The following SHISA9 variants were observed in gnomAD, a reference collection of about 807,000 sequenced individuals.
The protein encoded by SHISA9 is protein shisa-9.
Under a neutral mutation model 38.0 loss-of-function variants are expected in SHISA9, and 13 were observed. The ratio of observed to expected loss-of-function variants is 0.34; its 90% CI spans 0.22 to 0.54. SHISA9 has a LOEUF of 0.54. Ranked by LOEUF, SHISA9 falls within the 20% of genes least tolerant of loss-of-function variation. SHISA9 has a pLI of 0.91. For missense variants in SHISA9, 538 were observed against 575.8 expected (o/e 0.93, Z 0.67); for synonymous variants, 275 against 242.0 (o/e 1.14, Z -1.27).
At chr16:12,902,869 A>C in intron 1 of SHISA9, 3 of 425,186 alleles carry the variant, frequency 7.1e-6, no homozygotes, top group Admixed American at 4.7e-5. Flanking sequence ...TGTGTGTGTG[A>C]CTCTGCTCCC....
chr16:12,977,617 A>G (rs2072181630), intron 2 of SHISA9, among the ~76,000 whole-genome samples: 1 of 152,234 alleles, frequency 6.6e-6, no homozygotes, highest in Non-Finnish European at 1.5e-5. Flanking sequence ...ACCTGTCACC[A>G]TGGAAAATAC....
At chr16:13,369,202 T>G in the SHISA9 span, among the ~76,000 whole-genome samples, 2 of 152,194 alleles carry the variant, frequency 1.3e-5, no homozygotes, top group African/African-American at 2.4e-5. Flanking sequence ...GTCATTTATT[T>G]CCGTATATAG....
intron 2 of SHISA9, among the ~76,000 whole-genome samples, chr16:13,027,975 C>G (rs770875521): frequency 1.4e-4 from 20 of 148,130 alleles, no homozygotes; most frequent in Non-Finnish European, 2.1e-4. Flanking sequence ...TGAAAGAAGC[C>G]AAGCACTAAA....
At chr16:13,269,055 A>G in the SHISA9 span, among the ~76,000 whole-genome samples, 2 of 152,360 alleles carry the variant, frequency 1.3e-5, no homozygotes, top group Non-Finnish European at 2.9e-5. Context: ...CCTGTGCTGC[A>G]TATGAAGTAA....
the SHISA9 span, among the ~76,000 whole-genome samples, chr16:13,262,280 G>A: frequency 1.3e-5 from 2 of 152,222 alleles, no homozygotes; most frequent in Admixed American, 1.3e-4. Flanking sequence ...AGGCAGCTGA[G>A]CACCTGTGCA....
chr16:13,108,891 T>C (rs1041798079), intron 2 of SHISA9, among the ~76,000 whole-genome samples: 40 of 152,156 alleles, frequency 2.6e-4, no homozygotes, highest in African/African-American at 8.9e-4. Flanking sequence ...TCCTAAAGTG[T>C]AGTGTCCTGA....
chr16:13,546,598 C>CAGATTATA, the SHISA9 span, among the ~76,000 whole-genome samples: 1 of 152,112 alleles, frequency 6.6e-6, no homozygotes, highest in South Asian at 2.1e-4. Flanking sequence ...CAACGTGAAT[C>CAGATTATA]AGATTATAAG....
intron 2 of SHISA9, among the ~76,000 whole-genome samples, chr16:13,115,071 C>A (rs1198459136): frequency 2.0e-5 from 3 of 152,084 alleles, no homozygotes; most frequent in Non-Finnish European, 4.4e-5. Context: ...TATGTATCTA[C>A]CTGTTTTTCA....
At chr16:13,545,921 GGAC>G in the SHISA9 span, among the ~76,000 whole-genome samples, 1 of 152,058 alleles carries the variant, frequency 6.6e-6, no homozygotes, top group Non-Finnish European at 1.5e-5. Context: ...TTCCTTCCTG[GGAC>G]TTTTAATTTG....
chr16:13,339,519 T>C, the SHISA9 span, among the ~76,000 whole-genome samples: 3 of 152,176 alleles, frequency 2.0e-5, no homozygotes, highest in Non-Finnish European at 2.9e-5. Flanking sequence ...GACATAGAAG[T>C]TGTGCATAGA....
chr16:13,253,324 T>C, the SHISA9 span, among the ~76,000 whole-genome samples: 1 of 152,118 alleles, frequency 6.6e-6, no homozygotes, highest in Non-Finnish European at 1.5e-5. Context: ...TTGAGGTGCA[T>C]CTCTTCTACT....
intron 2 of SHISA9, among the ~76,000 whole-genome samples, chr16:12,989,247 T>TG (rs2072352698): frequency 6.6e-6 from 1 of 152,144 alleles, no homozygotes; most frequent in Non-Finnish European, 1.5e-5. Context: ...GATGTCAGGC[T>TG]GGGGTGCCTG....
the SHISA9 span, among the ~76,000 whole-genome samples, chr16:13,408,147 A>T: frequency 6.6e-6 from 1 of 152,310 alleles, no homozygotes; most frequent in South Asian, 2.1e-4. Context: ...ACATCTCTAG[A>T]TAGAAGTCTT....
At chr16:13,224,926 A>G (rs1171042841) in intron 4 of SHISA9, among the ~76,000 whole-genome samples, 1 of 152,204 alleles carries the variant, frequency 6.6e-6, no homozygotes, top group Non-Finnish European at 1.5e-5. Flanking sequence ...TCTCATGTAT[A>G]GTGGAATAGT....
the SHISA9 span, among the ~76,000 whole-genome samples, chr16:13,315,073 C>G: frequency 3.8e-4 from 44 of 115,492 alleles, no homozygotes; most frequent in Non-Finnish European, 8.3e-4. Context: ...TGTGTGCACC[C>G]TTGTCAAATA....
Position 12,902,544 on chromosome 16 carries a change from G to C in SHISA9, c.480G>C (p.Val160=), listed in dbSNP as rs1375322381. ...TGATCGTCTACATCATCTGCGGGGTGGTGGCCGTCATGGTGCTCGTGGGCA... is the reference window on the plus strand; with the variant it reads ...TGATCGTCTACATCATCTGCGGGGTCGTGGCCGTCATGGTGCTCGTGGGCA... The part of the protein sequence containing the change: ...TNLIVYIICG[V]VAVMVLVGIF... Residue 160 remains valine (V), a synonymous_variant, in exon 1 of 5, where the codon GTG becomes GTC. Transcript: ENST00000558583. The C allele has an allele frequency of 6.4e-7, 1 of 1,551,352 alleles. No individual in the cohort carries two copies. Among genetic ancestry groups the C allele is most frequent in the Non-Finnish European group, 8.7e-7 (1 of 1,147,000 alleles).
intron 4 of SHISA9, among the ~76,000 whole-genome samples, chr16:13,217,136 G>A (rs1156961082): frequency 6.6e-6 from 1 of 151,950 alleles, no homozygotes; most frequent in Non-Finnish European, 1.5e-5. Flanking sequence ...AAAATTGCAG[G>A]GAGTGGTGGC....
intron 2 of SHISA9, among the ~76,000 whole-genome samples, chr16:13,142,379 A>AT (rs902605952): frequency 1.2e-4 from 18 of 152,096 alleles, no homozygotes; most frequent in Non-Finnish European, 2.6e-4. Context: ...GGGCAGTTTA[A>AT]TTTTTTGCAG....
chr16:13,392,324 C>T, the SHISA9 span, among the ~76,000 whole-genome samples: 1 of 152,092 alleles, frequency 6.6e-6, no homozygotes, highest in African/African-American at 2.4e-5. Context: ...TTCTAGATAA[C>T]AATCTATTTT....
Sources: gnomAD v4.1 joint callset for allele counts (sites outside exome capture counted in the v4.1 genomes callset) on GRCh38, gnomAD v4.1.1 for gene constraint, MANE v1.5 for transcripts, NCBI Gene and HGNC (gene_info 2026-07-23, HGNC 2026-07-21) for gene names.